THADA: variants seen among roughly 807,000 people sequenced by gnomAD.
THADA encodes the protein THADA armadillo repeat containing.
A neutral mutation model predicts 219.8 loss-of-function variants in THADA; 213 were observed. That is an observed-to-expected ratio of 0.97 (90% CI 0.87 to 1.09). The LOEUF is 1.09. Among genes scored for constraint, THADA ranks in the 50% least tolerant of loss-of-function variants. THADA has a pLI of 0.00. For missense variants in THADA, 2,956 were observed against 2,311.3 expected (o/e 1.28, Z -5.72); for synonymous variants, 1,018 against 828.9 (o/e 1.23, Z -3.92).
chr2:43,264,130 T>G (rs192468057), intron 36 of THADA, among the ~76,000 whole-genome samples: 1 of 152,090 alleles, frequency 6.6e-6, no homozygotes, highest in Non-Finnish European at 1.5e-5. Context: ...ACCTTGCCTA[T>G]TGGGGACTGA....
At chr2:43,577,869 A>G (rs1700022718) in intron 9 of THADA, among the ~76,000 whole-genome samples, 1 of 152,184 alleles carries the variant, frequency 6.6e-6, no homozygotes, top group Admixed American at 6.5e-5. Context: ...ATATCTATAC[A>G]TTGATATGCA....
chr2:43,412,357 T>C (rs968727445), intron 28 of THADA, among the ~76,000 whole-genome samples: 4 of 152,218 alleles, frequency 2.6e-5, no homozygotes, highest in Non-Finnish European at 4.4e-5. Flanking sequence ...TAAAGTGCTA[T>C]GTGTGAAATT....
At chr2:43,416,716 GAA>G (rs1252744790) in intron 28 of THADA, among the ~76,000 whole-genome samples, 3 of 152,182 alleles carry the variant, frequency 2.0e-5, no homozygotes, top group African/African-American at 7.2e-5. Flanking sequence ...GGATAATTAT[GAA>G]AAGAGGGCAG....
At chr2:43,306,733 A>T (rs1032064242) in intron 31 of THADA, among the ~76,000 whole-genome samples, 3 of 152,230 alleles carry the variant, frequency 2.0e-5, no homozygotes, top group Non-Finnish European at 4.4e-5. Flanking sequence ...TCCTATTTTA[A>T]TGTGAAGTCC....
intron 31 of THADA, among the ~76,000 whole-genome samples, chr2:43,304,151 G>A (rs1676575695): frequency 6.6e-6 from 1 of 152,000 alleles, no homozygotes; most frequent in South Asian, 2.1e-4. Context: ...ACAGTTCCTG[G>A]CCTTCACTCT....
chr2:43,579,267 C>G (rs1700165114), intron 8 of THADA, among the ~76,000 whole-genome samples: 1 of 152,198 alleles, frequency 6.6e-6, no homozygotes, highest in Non-Finnish European at 1.5e-5. Context: ...GTCCCCTCCC[C>G]TCCACCAATG....
At chr2:43,403,396 A>C (rs936931892) in intron 28 of THADA, among the ~76,000 whole-genome samples, 1 of 152,208 alleles carries the variant, frequency 6.6e-6, no homozygotes, top group African/African-American at 2.4e-5. Flanking sequence ...CAGGCTCTAT[A>C]TGTGGTACCT....
intron 29 of THADA, among the ~76,000 whole-genome samples, chr2:43,380,899 G>C (rs1239736761): frequency 6.6e-6 from 1 of 152,070 alleles, no homozygotes; most frequent in Non-Finnish European, 1.5e-5. Context: ...AGGAGTTCGA[G>C]ACCAGCCTGG....
intron 22 of THADA, among the ~76,000 whole-genome samples, chr2:43,513,719 T>C (rs1453974545): frequency 6.6e-6 from 1 of 152,144 alleles, no homozygotes; most frequent in African/African-American, 2.4e-5. Flanking sequence ...GCTCCCATCA[T>C]AGCCAGTGAG....
chr2:43,328,862 T>C (rs1350018157), intron 30 of THADA, among the ~76,000 whole-genome samples: 1 of 152,236 alleles, frequency 6.6e-6, no homozygotes, highest in African/African-American at 2.4e-5. Flanking sequence ...TTCAATGCCA[T>C]GCCTTTGCCT....
intron 34 of THADA, among the ~76,000 whole-genome samples, chr2:43,290,387 C>T (rs548932117): frequency 9.9e-5 from 15 of 152,112 alleles, no homozygotes; most frequent in Middle Eastern, 3.4e-3. Flanking sequence ...TGACCTCCTA[C>T]GTTTGGCTCC....
Position 43,313,822 on chromosome 2 carries a change from T to G in THADA, c.4438+6624A>C, listed in dbSNP as rs1015351217. Among the ~76,000 whole-genome samples the G allele has an allele frequency of 2.0e-5, 3 of 152,132 alleles. No homozygotes were observed. The South Asian group carries it at 6.2e-4, about 32-fold the overall frequency. On this transcript the variant is annotated intron_variant, in intron 31 of 37. Transcript: ENST00000405975. ...TCTCGGACTCCCTTCCCTAAGCGAG[T>G]GACTGATGTTTCCTGACTCTGGCCC... is the stretch of plus-strand genomic sequence containing the variant.
chr2:43,548,002 A>G (rs1300264231), intron 20 of THADA, among the ~76,000 whole-genome samples: 1 of 151,798 alleles, frequency 6.6e-6, no homozygotes, highest in Non-Finnish European at 1.5e-5. Context: ...GGTTTTATCT[A>G]CTTTTGGTCT....
intron 28 of THADA, among the ~76,000 whole-genome samples, chr2:43,416,881 T>TTA (rs1268337403): frequency 5.9e-5 from 9 of 152,200 alleles, no homozygotes; most frequent in African/African-American, 9.7e-5. Flanking sequence ...TATGCAATCT[T>TTA]AAGTAACAAA....
chr2:43,565,548 A>T (rs2103967541), intron 15 of THADA: 1 of 152,236 alleles, frequency 6.6e-6, no homozygotes, highest in East Asian at 1.9e-4. Flanking sequence ...TTAAAAACTG[A>T]TTTTCCCCAA....
At chr2:43,358,805 C>A (rs558229396) in intron 29 of THADA, among the ~76,000 whole-genome samples, 1 of 152,184 alleles carries the variant, frequency 6.6e-6, no homozygotes, top group Non-Finnish European at 1.5e-5. Flanking sequence ...AACAGACAGA[C>A]TCCTCTTTTA....
chr2:43,297,558 G>A (rs1270454550), intron 31 of THADA, among the ~76,000 whole-genome samples: 1 of 107,860 alleles, frequency 9.3e-6, no homozygotes, highest in Non-Finnish European at 1.8e-5. Context: ...GGGGGGGTCA[G>A]CCCCCCGCCT....
chr2:43,289,959 GT>G (rs1024500166), intron 34 of THADA, among the ~76,000 whole-genome samples: 17 of 129,566 alleles, frequency 1.3e-4, no homozygotes, highest in South Asian at 2.6e-4. Flanking sequence ...CGGCCCTGGT[GT>G]TTTTTTTTTG....
intron 29 of THADA, among the ~76,000 whole-genome samples, chr2:43,384,622 C>G (rs1672419856): frequency 6.6e-6 from 1 of 152,160 alleles, no homozygotes; most frequent in Non-Finnish European, 1.5e-5. Flanking sequence ...GACCTGATGA[C>G]TATTTCAATT....
Sources: allele counts gnomAD v4.1 joint callset (sites outside exome capture counted in the v4.1 genomes callset), GRCh38; gene constraint gnomAD v4.1.1; transcripts MANE v1.5; gene names NCBI Gene and HGNC (gene_info 2026-07-23, HGNC 2026-07-21).